SLC13A4: variants seen among roughly 807,000 people sequenced by gnomAD.
SLC13A4 encodes solute carrier family 13 member 4, also known as Na(+)/sulfate cotransporter SUT-1.
SLC13A4 carries 28 observed loss-of-function variants against 72.7 expected under a neutral mutation model. The ratio of observed to expected loss-of-function variants is 0.39; its 90% CI spans 0.29 to 0.53. The LOEUF (loss-of-function observed/expected upper bound fraction) is 0.53. Ranked by LOEUF, SLC13A4 falls within the 20% of genes least tolerant of loss-of-function variation. SLC13A4 has a pLI of 0.78. For missense variants in SLC13A4, 653 were observed against 788.0 expected (o/e 0.83, Z 2.05); for synonymous variants, 312 against 325.5 (o/e 0.96, Z 0.45).
At position 135,699,562 on chromosome 7, in the gene SLC13A4, AT is replaced by A. The variant is rs768808655; in HGVS notation, c.715-15del. ...TTGTGGCTTTTCCTAACGAAGGAAA[AT>A]CAGCAAATCTGTCCAACCCAGCTTG... On this transcript the variant is annotated splice_polypyrimidine_tract_variant and intron_variant, in intron 7 of 15. Transcript: ENST00000682651. 2 of 1,589,540 alleles carry A rather than the reference AT, an allele frequency of 1.3e-6. No homozygotes were observed. Among genetic ancestry groups the A allele is most frequent in the African/African-American group, 2.7e-5 (2 of 74,418 alleles).
intron 2 of SLC13A4, among the ~76,000 whole-genome samples, chr7:135,713,503 T>A (rs2129495106): frequency 6.6e-6 from 1 of 152,340 alleles, no homozygotes; most frequent in Admixed American, 6.5e-5. Flanking sequence ...CATAGCTAAT[T>A]TAATCTGCTG....
intron 14 of SLC13A4, among the ~76,000 whole-genome samples, chr7:135,684,964 T>G (rs932893424): frequency 1.3e-5 from 2 of 152,202 alleles, no homozygotes; most frequent in Non-Finnish European, 2.9e-5. Context: ...GATCTGGCCG[T>G]TGCTCCCCTC....
chr7:135,699,608 G>C, intron 7 of SLC13A4, 60 bp from the exon 8 acceptor site: 1 of 1,453,656 alleles, frequency 6.9e-7, no homozygotes, highest in Non-Finnish European at 9.3e-7. Flanking sequence ...GCCGAAGCAT[G>C]AGAGGCAGGA....
In SLC13A4 at chr7:135,699,558, GA is replaced by G; in HGVS notation, c.715-11del. 6.3e-7 allele frequency: 1 copy of G among 1,590,014 alleles called. No homozygotes were observed. The highest frequency in any genetic ancestry group is 8.6e-7 in the Non-Finnish European group (1 of 1,166,556). ...GGACTTGTGGCTTTTCCTAACGAAG[GA>G]AAATCAGCAAATCTGTCCAACCCAG... On this transcript the variant is annotated splice_polypyrimidine_tract_variant and intron_variant, in intron 7 of 15. Coordinates refer to ENST00000682651, the MANE Select transcript of SLC13A4 (RefSeq NM_001318192.2).
At chr7:135,698,334 CTTTT>C (rs10563133) in intron 8 of SLC13A4, among the ~76,000 whole-genome samples, 20 of 104,398 alleles carry the variant, frequency 1.9e-4, no homozygotes, top group South Asian at 3.3e-4. Flanking sequence ...TGCTGGGACT[CTTTT>C]TTTTTTTTTT....
Position 135,708,111 on chromosome 7 carries a change from T to C in SLC13A4, c.365+3A>G, listed in dbSNP as rs1563165518. 3.1e-6 allele frequency: 5 copies of C among 1,612,436 alleles called. No individual in the cohort carries two copies. Among genetic ancestry groups the C allele is most frequent in the Non-Finnish European group, 3.4e-6 (4 of 1,178,728 alleles). On this transcript the variant is annotated splice_donor_region_variant and intron_variant, in intron 3 of 15. Coordinates refer to ENST00000682651, the MANE Select transcript of SLC13A4 (RefSeq NM_001318192.2). ...ATGTCCTGGCATCCCAAATAAGACT[T>C]ACATGCCCGGCTTGGCTCCGGCCAT...
At chr7:135,689,939 G>T (rs1268114823) in intron 13 of SLC13A4, among the ~76,000 whole-genome samples, 2 of 152,214 alleles carry the variant, frequency 1.3e-5, no homozygotes, top group East Asian at 3.9e-4. Flanking sequence ...CAGTACTTTG[G>T]GAGGCCAAGG....
chr7:135,709,055 G>A (rs867265168), intron 2 of SLC13A4, among the ~76,000 whole-genome samples: 21 of 149,696 alleles, frequency 1.4e-4, no homozygotes, highest in Admixed American at 1.3e-3. Context: ...TCAGCCTCCC[G>A]AGTAGCTGGG....
Position 135,708,184 on chromosome 7 carries a change from C to T in SLC13A4, c.295G>A (p.Val99Met), listed in dbSNP as rs866554621. The T allele has an allele frequency of 6.2e-7, 1 of 1,614,092 alleles. No homozygotes were observed. Among genetic ancestry groups the T allele is most frequent in the African/African-American group, 1.3e-5 (1 of 74,932 alleles). ...CGCTTATGCAGGTTCCACTTCTCCA[C>T]GGCAGCCGCCACGCAGATGACCCCC... ...LVGVICVAAAVEKWNLHKRIA... is the reference protein window; with the variant it reads ...LVGVICVAAAMEKWNLHKRIA... Residue 99 changes from valine to methionine, a missense_variant, in exon 3 of 16, where the codon GTG (valine) becomes ATG (methionine). By Grantham distance (21) the Val-to-Met change is conservative. Transcript: ENST00000682651.
intron 13 of SLC13A4, among the ~76,000 whole-genome samples, chr7:135,690,013 C>G (rs184842671): frequency 6.6e-6 from 1 of 151,874 alleles, no homozygotes; most frequent in African/African-American, 2.4e-5. Flanking sequence ...AACTCCATCT[C>G]TACTAAAAAT....
rs1345413564 is a variant in SLC13A4, at chr7:135,708,205, C to A, written c.274G>T (p.Val92Phe). The A allele has an allele frequency of 1.1e-5, 17 of 1,614,096 alleles. No individual in the cohort carries two copies. Among genetic ancestry groups the A allele is most frequent in the Non-Finnish European group, 1.4e-5 (16 of 1,180,046 alleles). The change falls in exon 3 of 16, where the codon GTC (valine) becomes TTC (phenylalanine). Residue 92 changes from valine (V) to phenylalanine (F), a missense_variant. Physicochemically the swap from Val to Phe is conservative, Grantham distance 50. Transcript: ENST00000682651. ...FKNTTLLLVGVICVAAAVEKW... is the reference protein window; with the variant it reads ...FKNTTLLLVGFICVAAAVEKW... ...TCCACGGCAGCCGCCACGCAGATGACCCCCACCAGCAGCAGCGTGGTGTTC... is the reference window on the plus strand; with the variant it reads ...TCCACGGCAGCCGCCACGCAGATGAACCCCACCAGCAGCAGCGTGGTGTTC...
At position 135,727,632 on chromosome 7, in the gene SLC13A4, G is replaced by T. The variant is rs965718356; in HGVS notation, c.-136C>A. 1.4e-5 allele frequency: 16 copies of T among 1,157,354 alleles called. No homozygotes were observed. The highest frequency in any genetic ancestry group is 2.0e-4 in the Middle Eastern group (1 of 5,016). The allele number at this position is 1,157,354 out of a possible 1,614,324, so 71.7% of individuals were successfully genotyped here. A position where few individuals can be genotyped will look rare whatever the true frequency, so the allele number is the denominator to read the frequency against. ...CCGAGAGTCCTCCTTCGTCTTGGGGGCAGAACGGGAGGGCAGTTATACCCT... is the reference window on the plus strand; with the variant it reads ...CCGAGAGTCCTCCTTCGTCTTGGGGTCAGAACGGGAGGGCAGTTATACCCT... On this transcript the variant is annotated 5_prime_UTR_variant, in exon 1 of 16. Transcript: ENST00000682651.
intron 2 of SLC13A4, among the ~76,000 whole-genome samples, chr7:135,718,223 T>A (rs73160746): frequency 0.045 from 6,805 of 152,030 alleles, 193 homozygotes; most frequent in South Asian, 0.085. Flanking sequence ...TTTTGTTTAT[T>A]TTTGTCACCC....
intron 2 of SLC13A4, among the ~76,000 whole-genome samples, chr7:135,709,320 CT>C (rs371526933): frequency 6.0e-4 from 87 of 145,732 alleles, no homozygotes; most frequent in Middle Eastern, 7.4e-3. Context: ...CCTATACACT[CT>C]TTTTTTTTTT....
At chr7:135,689,672 C>A (rs2129493939) in intron 13 of SLC13A4, among the ~76,000 whole-genome samples, 2 of 152,206 alleles carry the variant, frequency 1.3e-5, no homozygotes, top group South Asian at 4.2e-4. Context: ...AGTGGACAGA[C>A]AACATGCAGA....
chr7:135,685,814 G>A (rs1354392571), intron 13 of SLC13A4, 131 bp from the exon 14 acceptor site: 1 of 774,438 alleles, frequency 1.3e-6, no homozygotes, highest in East Asian at 2.5e-5. Context: ...AGTCTGACTG[G>A]AACCAGAGGT....
At chr7:135,723,692 G>A (rs1399167032) in intron 1 of SLC13A4, among the ~76,000 whole-genome samples, 3 of 152,242 alleles carry the variant, frequency 2.0e-5, no homozygotes, top group Middle Eastern at 3.4e-3. Flanking sequence ...ACAAAAGGTC[G>A]CTGTATCAGT....
rs1795712505 is a variant in SLC13A4 at position 135,689,091 on chromosome 7, C to T, written c.1446+2110G>A. 2.0e-5 allele frequency: 3 copies of T among 152,054 alleles called. No individual in the cohort carries two copies. In the South Asian group the frequency reaches 6.3e-4, roughly 32 times the overall value. 9.4% of individuals were successfully genotyped at this position (152,054 alleles called of 1,614,324 possible). On this transcript the variant is annotated intron_variant, in intron 13 of 15. Transcript: ENST00000682651. ...AGAGATAGGATCTTACTATGTTGCC[C>T]AGGCTAGTCTCAAACTCCTGGACTC... is the stretch of plus-strand genomic sequence containing the variant.
intron 5 of SLC13A4, chr7:135,703,901 G>T (rs1427852897): frequency 1.3e-5 from 2 of 152,306 alleles, no homozygotes; most frequent in African/African-American, 4.8e-5. Context: ...CCCAAACTGG[G>T]TGAGGAGGGT....
Sources: allele counts gnomAD v4.1 joint callset (sites outside exome capture counted in the v4.1 genomes callset), GRCh38; gene constraint gnomAD v4.1.1; transcripts MANE v1.5; gene names NCBI Gene and HGNC (gene_info 2026-07-23, HGNC 2026-07-21).